The following SEMA3C variants were observed in gnomAD, a reference collection of about 807,000 sequenced individuals.
The protein encoded by SEMA3C is semaphorin 3C.
A neutral mutation model predicts 89.4 loss-of-function variants in SEMA3C; 47 were observed. The observed-to-expected ratio is 0.53, with a 90% CI of 0.42 to 0.67. The LOEUF is 0.67. Ranked by LOEUF, SEMA3C falls within the 30% of genes least tolerant of loss-of-function variation. The probability of loss-of-function intolerance (pLI) is 0.00; values close to 1 mark genes in which losing one functional copy is unlikely to be tolerated. For missense variants in SEMA3C, 839 were observed against 929.1 expected (o/e 0.90, Z 1.26); for synonymous variants, 310 against 320.2 (o/e 0.97, Z 0.34).
chr7:80,881,981 A>G (rs1791353396), intron 2 of SEMA3C, among the ~76,000 whole-genome samples: 1 of 152,218 alleles, frequency 6.6e-6, no homozygotes, highest in African/African-American at 2.4e-5. Flanking sequence ...TTTTGAATGT[A>G]TTATATTTAA....
chr7:80,917,003 T>C (rs1792293674), intron 1 of SEMA3C, among the ~76,000 whole-genome samples, 184 bp from the exon 2 acceptor site: 3 of 152,228 alleles, frequency 2.0e-5, no homozygotes, highest in African/African-American at 7.2e-5. Context: ...GATTCATTTG[T>C]GTCTGGAAGT....
rs116645940 is a variant in SEMA3C, at chr7:80,743,049, A to C, written c.*1845T>G. 16 of 152,062 alleles carry C rather than the reference A, an allele frequency of 1.1e-4. No homozygotes were observed. Among genetic ancestry groups the C allele is most frequent in the Admixed American group, 8.5e-4 (13 of 15,268 alleles). The allele number at this position is 152,062 out of a possible 1,614,324, so 9.4% of individuals were successfully genotyped here. On this transcript the variant is annotated 3_prime_UTR_variant, in exon 18 of 18. Transcript: ENST00000265361. ...AACAATTTTACTTTTAACTTTGAGA[A>C]TAGATTGGCCATAAACACAGAAGAT...
At chr7:80,804,760 T>C (rs951097066) in intron 7 of SEMA3C, among the ~76,000 whole-genome samples, 1 of 152,120 alleles carries the variant, frequency 6.6e-6, no homozygotes, top group African/African-American at 2.4e-5. Context: ...ACAAAACAAC[T>C]TTTAGAATAT....
intron 2 of SEMA3C, among the ~76,000 whole-genome samples, chr7:80,884,767 G>A (rs1389344330): frequency 6.6e-6 from 1 of 152,184 alleles, no homozygotes; most frequent in Non-Finnish European, 1.5e-5. Flanking sequence ...TTCTTTATGT[G>A]TTTATTACTG....
chr7:80,754,957 G>GTTTTTTTTTTTTTTTTTTTTTTTTTTTTT (rs1368382376), intron 15 of SEMA3C, among the ~76,000 whole-genome samples: 1 of 108,386 alleles, frequency 9.2e-6, no homozygotes, highest in African/African-American at 3.5e-5. Flanking sequence ...GTTTTTTTTT[G>GTTTTTTTTTTTTTTTTTTTTTTTTTTTTT]TTTTTTTTTT....
chr7:80,868,917 T>C (rs1790992958), intron 2 of SEMA3C, among the ~76,000 whole-genome samples: 1 of 152,208 alleles, frequency 6.6e-6, no homozygotes, highest in Admixed American at 6.5e-5. Flanking sequence ...AACGAGGTTT[T>C]CTTTTCAAAG....
intron 2 of SEMA3C, among the ~76,000 whole-genome samples, chr7:80,853,170 A>G (rs973311751): frequency 1.3e-5 from 2 of 149,296 alleles, no homozygotes; most frequent in African/African-American, 5.2e-5. Context: ...TATTGATGAG[A>G]ATGTAAATTA....
rs752571721 is a variant in SEMA3C at position 80,789,380 on chromosome 7, T to C, written c.1280A>G (p.Tyr427Cys). The C allele has an allele frequency of 1.9e-6, 3 of 1,613,942 alleles. No homozygotes were observed. Among genetic ancestry groups the C allele is most frequent in the African/African-American group, 1.3e-5 (1 of 74,882 alleles). ...ATCCACAGCTATCTTTGTATACTTG[T>C]AGTCAGTGCCAATACGAACAATCAA... ...RPLIVRIGTDYKYTKIAVDRV... is the reference protein window; with the variant it reads ...RPLIVRIGTDCKYTKIAVDRV... Residue 427 changes from tyrosine (Y) to cysteine (C), a missense_variant, in exon 12 of 18, where the codon TAC (tyrosine) becomes TGC (cysteine). Tyr to Cys is a radical substitution (Grantham distance 194, BLOSUM62 -2). Coordinates refer to ENST00000265361, the MANE Select transcript of SEMA3C (RefSeq NM_006379.5).
chr7:80,832,064 A>G (rs1790019606), intron 2 of SEMA3C, among the ~76,000 whole-genome samples: 1 of 152,140 alleles, frequency 6.6e-6, no homozygotes. Flanking sequence ...TTCATGGATG[A>G]TTATATGGAA....
chr7:80,891,762 T>G (rs1277042504), intron 2 of SEMA3C, among the ~76,000 whole-genome samples: 1 of 152,168 alleles, frequency 6.6e-6, no homozygotes, highest in Non-Finnish European at 1.5e-5. Flanking sequence ...TGAGGACTAG[T>G]GATTTCGTTC....
At chr7:80,871,010 A>T (rs749014436) in intron 2 of SEMA3C, among the ~76,000 whole-genome samples, 1 of 152,212 alleles carries the variant, frequency 6.6e-6, no homozygotes, top group Non-Finnish European at 1.5e-5. Context: ...GGCCACCTTT[A>T]ATTTACGTTC....
intron 9 of SEMA3C, among the ~76,000 whole-genome samples, chr7:80,801,965 C>A (rs889260134): frequency 6.6e-6 from 1 of 151,966 alleles, no homozygotes; most frequent in Admixed American, 6.6e-5. Flanking sequence ...TAACTTATCA[C>A]CTGTCTCAAA....
At chr7:80,868,788 G>A (rs1790989507) in intron 2 of SEMA3C, among the ~76,000 whole-genome samples, 1 of 152,058 alleles carries the variant, frequency 6.6e-6, no homozygotes, top group Non-Finnish European at 1.5e-5. Flanking sequence ...TTACTGTGTG[G>A]TTATACAGCC....
intron 2 of SEMA3C, among the ~76,000 whole-genome samples, chr7:80,880,931 C>T (rs1170674178): frequency 2.0e-5 from 3 of 151,938 alleles, no homozygotes; most frequent in Non-Finnish European, 4.4e-5. Context: ...TCTCAAAAAA[C>T]AAAAACAAAA....
intron 2 of SEMA3C, among the ~76,000 whole-genome samples, chr7:80,901,574 C>G (rs1791881308): frequency 6.6e-6 from 1 of 152,210 alleles, no homozygotes; most frequent in Non-Finnish European, 1.5e-5. Flanking sequence ...TCACTTCTTT[C>G]AAAGGGAAAA....
chr7:80,913,833 C>T (rs943146211), intron 2 of SEMA3C, among the ~76,000 whole-genome samples: 1 of 152,180 alleles, frequency 6.6e-6, no homozygotes, highest in East Asian at 1.9e-4. Context: ...AATGTTATTA[C>T]TCCATTATTT....
At chr7:80,799,562 G>T (rs902272038) in intron 10 of SEMA3C, among the ~76,000 whole-genome samples, 13 of 152,078 alleles carry the variant, frequency 8.5e-5, no homozygotes, top group Non-Finnish European at 1.9e-4. Context: ...AAGAAAATTG[G>T]CCAGGCACGG....
intron 6 of SEMA3C, among the ~76,000 whole-genome samples, chr7:80,807,386 A>G (rs953213232): frequency 2.0e-5 from 3 of 152,198 alleles, no homozygotes; most frequent in Non-Finnish European, 4.4e-5. Flanking sequence ...CAAACATTAC[A>G]TAAGCCTGCA....
Position 80,859,141 on chromosome 7 carries a change from AGAAC to A in SEMA3C, c.104-30400_104-30397del, listed in dbSNP as rs201206584. Among the ~76,000 whole-genome samples, 701 of 152,132 alleles carry A rather than the reference AGAAC, an allele frequency of 4.6e-3. 6 individuals carry two copies. The highest frequency in any genetic ancestry group is 0.015 in the African/African-American group (639 of 41,524). On this transcript the variant is annotated intron_variant, in intron 2 of 17. Transcript: ENST00000265361. Reference sequence around the variant, plus strand: ...AAGTGGTGAAAACTCAAGAAAAAAAAGAACGGTGTGTGTGTGTATGTGTGTTTGT... The same window carrying A: ...AAGTGGTGAAAACTCAAGAAAAAAAAGGTGTGTGTGTGTATGTGTGTTTGT...
Sources: gnomAD v4.1 joint callset for allele counts (sites outside exome capture counted in the v4.1 genomes callset) on GRCh38, gnomAD v4.1.1 for gene constraint, MANE v1.5 for transcripts, NCBI Gene and HGNC (gene_info 2026-07-23, HGNC 2026-07-21) for gene names.